The following MAGI1 variants were observed in gnomAD, a reference collection of about 807,000 sequenced individuals.
MAGI1 encodes the protein membrane associated guanylate kinase, WW and PDZ domain containing 1.
In MAGI1, 58 loss-of-function variants were observed where a neutral mutation model predicts 139.9. The ratio of observed to expected loss-of-function variants is 0.41; its 90% confidence interval spans 0.34 to 0.52. The LOEUF (loss-of-function observed/expected upper bound fraction) is 0.52. MAGI1 is among the 20% of genes least tolerant of loss of function. MAGI1 has a pLI of 0.12. For synonymous variants in MAGI1, 812 were observed against 737.9 expected, an observed-to-expected ratio of 1.10 and a Z score of -1.63; for missense variants, 1,874 against 1,901.6, an observed-to-expected ratio of 0.99 and a Z score of 0.27.
intron 18 of MAGI1, among the ~76,000 whole-genome samples, chr3:65,372,991 T>C (rs1489179787): frequency 6.6e-6 from 1 of 152,246 alleles, no homozygotes; most frequent in African/African-American, 2.4e-5. Context: ...TGTTTCGCTT[T>C]CTTAAAATCC....
chr3:65,404,513 C>T (rs961656927), intron 12 of MAGI1, among the ~76,000 whole-genome samples: 5 of 152,252 alleles, frequency 3.3e-5, no homozygotes, highest in Admixed American at 6.5e-5. Flanking sequence ...AAGCAGGTTA[C>T]GACCACAAAT....
intron 1 of MAGI1, among the ~76,000 whole-genome samples, chr3:65,976,605 T>C (rs2065278587): frequency 6.6e-6 from 1 of 152,204 alleles, no homozygotes; most frequent in Non-Finnish European, 1.5e-5. Flanking sequence ...CACTCCAGCC[T>C]GGGTGACAGA....
intron 8 of MAGI1, among the ~76,000 whole-genome samples, chr3:65,440,332 T>C (rs6808340): frequency 0.68 from 103,491 of 151,628 alleles, 35,908 homozygotes; most frequent in East Asian, 0.95. Flanking sequence ...AAATACTTCA[T>C]CTAGCATAAT....
intron 1 of MAGI1, among the ~76,000 whole-genome samples, chr3:65,639,791 T>A (rs1043298640): frequency 4.0e-5 from 6 of 151,848 alleles, no homozygotes; most frequent in Non-Finnish European, 8.8e-5. Context: ...TCACCTGAGG[T>A]CTGGAGTTCA....
intron 2 of MAGI1, among the ~76,000 whole-genome samples, chr3:65,566,740 C>T (rs2080673684): frequency 6.6e-6 from 1 of 152,156 alleles, no homozygotes; most frequent in Admixed American, 6.5e-5. Context: ...TTTTAAATGG[C>T]ATTGCTTCTG....
At chr3:65,370,893 G>C (rs192602862) in intron 18 of MAGI1, among the ~76,000 whole-genome samples, 4 of 152,362 alleles carry the variant, frequency 2.6e-5, no homozygotes, top group Admixed American at 2.6e-4. Context: ...CTGAGCTCAA[G>C]TGATCCTCCT....
At position 65,355,549 on chromosome 3, in the gene MAGI1, A is replaced by T. The variant is rs895192855; in HGVS notation, c.*829T>A. 3.3e-5 allele frequency: 5 copies of T among 152,538 alleles called. No individual in the cohort carries two copies. The highest frequency in any genetic ancestry group is 1.2e-4 in the African/African-American group (5 of 41,434). The allele number at this position is 152,538 out of a possible 1,614,324, so 9.4% of individuals were successfully genotyped here. On this transcript the variant is annotated 3_prime_UTR_variant, in exon 23 of 23. Coordinates refer to ENST00000402939, the MANE Select transcript of MAGI1 (RefSeq NM_001033057.2). ...CCAATCAGACGAGACAACACGAAAG[A>T]TGCTTGTTGTCTCTTCCTCGTAGTA...
At chr3:65,607,604 A>G (rs761730193) in intron 2 of MAGI1, among the ~76,000 whole-genome samples, 7 of 152,302 alleles carry the variant, frequency 4.6e-5, no homozygotes, top group Non-Finnish European at 7.4e-5. Context: ...AGGAAATAAA[A>G]CACAAAGCTC....
chr3:65,486,797 T>C (rs747004859), intron 3 of MAGI1, among the ~76,000 whole-genome samples: 16 of 152,190 alleles, frequency 1.1e-4, no homozygotes, highest in Non-Finnish European at 2.1e-4. Flanking sequence ...ACTCTCAGCA[T>C]TACAGCTGTC....
rs560604107 is a variant in MAGI1 at position 66,031,082 on chromosome 3, C to T, written c.313+6914G>A. 7.9e-5 allele frequency among the ~76,000 whole-genome samples: 12 copies of T among 152,284 alleles called. No homozygotes were observed. The Middle Eastern group carries it at 0.01, about 129-fold the overall frequency. ...CATAGGGGAGAAGTCTAGCAATGCA[C>T]CAGTGTGTACTAGGGATTTTTCAAG... On this transcript the variant is annotated intron_variant, in intron 1 of 22. Transcript: ENST00000402939.
intron 1 of MAGI1, among the ~76,000 whole-genome samples, chr3:65,938,389 T>C (rs2063160353): frequency 6.7e-6 from 1 of 149,762 alleles, no homozygotes; most frequent in African/African-American, 2.4e-5. Context: ...TTAATATAAA[T>C]AAAGGTCTTT....
chr3:65,656,323 G>C (rs1336039551), intron 1 of MAGI1, among the ~76,000 whole-genome samples: 1 of 152,124 alleles, frequency 6.6e-6, no homozygotes, highest in Non-Finnish European at 1.5e-5. Context: ...ACACTGAACT[G>C]GCAAGGGTCT....
chr3:65,975,665 TAAAA>T (rs2065232468), intron 1 of MAGI1, among the ~76,000 whole-genome samples: 1 of 151,996 alleles, frequency 6.6e-6, no homozygotes, highest in South Asian at 2.1e-4. Context: ...AAAAATAAAA[TAAAA>T]TAATAAAGAA....
At chr3:65,785,108 A>G (rs2039277669) in intron 1 of MAGI1, among the ~76,000 whole-genome samples, 1 of 152,268 alleles carries the variant, frequency 6.6e-6, no homozygotes, top group African/African-American at 2.4e-5. Flanking sequence ...AAATTGTATG[A>G]CATATTAGTT....
chr3:65,597,718 C>T lies in MAGI1; in HGVS notation c.430+24254G>A, dbSNP rs1289652674. On this transcript the variant is annotated intron_variant, in intron 2 of 22. Transcript: ENST00000402939. ...GGAGCCTCTGCCGCCGCCTGCCTGTCCCCAGGCTTCCTCCGGCAGCGGAGC... is the reference window on the plus strand; with the variant it reads ...GGAGCCTCTGCCGCCGCCTGCCTGTTCCCAGGCTTCCTCCGGCAGCGGAGC... The T allele has an allele frequency of 6.6e-6, 3 of 456,572 alleles. No individual in the cohort carries two copies. The Admixed American group carries it at 7.0e-5, about 11-fold the overall frequency. 28.3% of individuals were successfully genotyped at this position (456,572 alleles called of 1,614,324 possible).
At chr3:65,659,474 C>T (rs13065777) in intron 1 of MAGI1, among the ~76,000 whole-genome samples, 52,177 of 151,934 alleles carry the variant, frequency 0.34, 9,390 homozygotes, top group East Asian at 0.57. Context: ...CACACACTCA[C>T]CAGTGCCAGG....
chr3:65,469,484 CTT>C (rs1257267518), intron 5 of MAGI1, among the ~76,000 whole-genome samples: 1 of 146,922 alleles, frequency 6.8e-6, no homozygotes. Flanking sequence ...CAAATGTCGG[CTT>C]TTTTTTTTCC....
intron 18 of MAGI1, among the ~76,000 whole-genome samples, chr3:65,368,516 G>A (rs1360470256): frequency 6.6e-6 from 1 of 152,142 alleles, no homozygotes; most frequent in Non-Finnish European, 1.5e-5. Flanking sequence ...ATCTATCTGT[G>A]ACAAGCAATT....
chr3:65,459,274 G>C (rs1384167547), intron 5 of MAGI1, among the ~76,000 whole-genome samples: 1 of 152,040 alleles, frequency 6.6e-6, no homozygotes, highest in Non-Finnish European at 1.5e-5. Context: ...GATATATTTG[G>C]CTATTCTGGG....
Sources: allele counts gnomAD v4.1 joint callset (sites outside exome capture counted in the v4.1 genomes callset), GRCh38; gene constraint gnomAD v4.1.1; transcripts MANE v1.5; gene names NCBI Gene and HGNC (gene_info 2026-07-23, HGNC 2026-07-21).